The following RORA variants were observed in gnomAD, a reference collection of about 807,000 sequenced individuals.
RORA encodes the protein RAR related orphan receptor A.
In RORA, 7 loss-of-function variants were observed where a neutral mutation model predicts 69.5. The ratio of observed to expected loss-of-function variants is 0.10; its 90% CI spans 0.06 to 0.19. The LOEUF is 0.19. Among genes scored for constraint, RORA ranks in the 10% least tolerant of loss-of-function variants. RORA has a pLI of 1.00. For missense variants in RORA, 457 were observed against 663.0 expected, an observed-to-expected ratio of 0.69 and a Z score of 3.41; for synonymous variants, 261 against 240.8, an observed-to-expected ratio of 1.08 and a Z score of -0.78.
intron 1 of RORA, among the ~76,000 whole-genome samples, chr15:60,963,894 T>A (rs1397714447): frequency 6.6e-6 from 1 of 152,224 alleles, no homozygotes; most frequent in African/African-American, 2.4e-5. Flanking sequence ...CATCAGTGGG[T>A]GGCTTAAAGC....
At chr15:61,140,572 G>A (rs1220437202) in intron 1 of RORA, among the ~76,000 whole-genome samples, 1 of 152,124 alleles carries the variant, frequency 6.6e-6, no homozygotes, top group Non-Finnish European at 1.5e-5. Flanking sequence ...GCAGACAGAA[G>A]TGACGAGGAA....
chr15:61,222,313 G>C (rs1310577947), intron 1 of RORA, among the ~76,000 whole-genome samples: 1 of 152,178 alleles, frequency 6.6e-6, no homozygotes, highest in Non-Finnish European at 1.5e-5. Flanking sequence ...TATGTAATGT[G>C]ATAAGACAGT....
chr15:61,185,756 C>G (rs1377284158), intron 1 of RORA, among the ~76,000 whole-genome samples: 1 of 152,206 alleles, frequency 6.6e-6, no homozygotes, highest in Non-Finnish European at 1.5e-5. Flanking sequence ...ATCTGCACCT[C>G]AGGCCCAGCC....
chr15:60,701,506 G>A (rs1166509183), intron 1 of RORA, among the ~76,000 whole-genome samples: 1 of 152,140 alleles, frequency 6.6e-6, no homozygotes, highest in African/African-American at 2.4e-5. Context: ...CAAAGGATTT[G>A]GAACTCACCG....
intron 1 of RORA, among the ~76,000 whole-genome samples, chr15:60,896,135 G>C (rs1379054421): frequency 6.6e-6 from 1 of 152,212 alleles, no homozygotes; most frequent in Non-Finnish European, 1.5e-5. Flanking sequence ...AGTGTTCAGA[G>C]AAGACCCACT....
At chr15:61,004,767 G>C (rs887454787) in intron 1 of RORA, among the ~76,000 whole-genome samples, 2 of 152,028 alleles carry the variant, frequency 1.3e-5, no homozygotes, top group African/African-American at 4.8e-5. Flanking sequence ...ACGTTGCCAC[G>C]GTTAGATTTT....
chr15:61,092,577 C>T (rs1385990093), intron 1 of RORA, among the ~76,000 whole-genome samples: 1 of 152,190 alleles, frequency 6.6e-6, no homozygotes, highest in Non-Finnish European at 1.5e-5. Flanking sequence ...TGCATTCTTG[C>T]TGCCAAAAGA....
chr15:61,008,340 T>C (rs536759538), intron 1 of RORA, among the ~76,000 whole-genome samples: 34 of 152,068 alleles, frequency 2.2e-4, no homozygotes, highest in African/African-American at 8.0e-4. Context: ...TTATTGGGTT[T>C]AAGGGGGCTA....
At chr15:60,786,147 A>G (rs2072331105) in intron 1 of RORA, among the ~76,000 whole-genome samples, 1 of 152,212 alleles carries the variant, frequency 6.6e-6, no homozygotes, top group African/African-American at 2.4e-5. Context: ...ATGTTTATAC[A>G]TACACGACAT....
At chr15:60,560,966 T>G (rs2067521996) in intron 2 of RORA, among the ~76,000 whole-genome samples, 1 of 151,890 alleles carries the variant, frequency 6.6e-6, no homozygotes, top group Non-Finnish European at 1.5e-5. Context: ...TGTCTGTATA[T>G]ACACATCTGT....
intron 1 of RORA, among the ~76,000 whole-genome samples, chr15:60,931,157 T>G (rs967070818): frequency 6.6e-6 from 1 of 152,008 alleles, no homozygotes; most frequent in East Asian, 1.9e-4. Flanking sequence ...AGAAGGTGAG[T>G]CTGCCTAGAG....
intron 1 of RORA, among the ~76,000 whole-genome samples, chr15:60,760,142 A>T (rs928762597): frequency 2.0e-5 from 3 of 148,874 alleles, no homozygotes; most frequent in East Asian, 2.0e-4. Flanking sequence ...GCTTTAAAAT[A>T]TTTTTTTTTT....
intron 2 of RORA, among the ~76,000 whole-genome samples, chr15:60,589,451 G>A (rs1263131337): frequency 6.6e-6 from 1 of 152,218 alleles, no homozygotes; most frequent in South Asian, 2.1e-4. Flanking sequence ...TACTGAAACT[G>A]ATGAACGTCT....
chr15:61,172,033 T>C (rs1037258485), intron 1 of RORA, among the ~76,000 whole-genome samples: 2 of 152,176 alleles, frequency 1.3e-5, no homozygotes, highest in Admixed American at 6.5e-5. Context: ...TTGATGAAGA[T>C]GTTAAGTCTT....
Position 60,511,125 on chromosome 15 carries a change from T to G in RORA, c.820+101A>C. Reference sequence around the variant, plus strand: ...AAGTGGCCCAAATGGTAAAGGTGAATTGCATCATTTAGCAGAACTCATTAG... The same window carrying G: ...AAGTGGCCCAAATGGTAAAGGTGAAGTGCATCATTTAGCAGAACTCATTAG... On this transcript the variant is annotated intron_variant, in intron 5 of 10. Transcript: ENST00000335670. The surrounding 1 kb of genome is among the most constrained non-coding windows in gnomAD (Gnocchi z 6.4). 7.7e-7 allele frequency: 1 copy of G among 1,297,912 alleles called. No individual in the cohort carries two copies. Among genetic ancestry groups the G allele is most frequent in the Non-Finnish European group, 1.1e-6 (1 of 941,252 alleles). The allele number at this position is 1,297,912 out of a possible 1,614,324, so 80.4% of individuals were successfully genotyped here. A position where few individuals can be genotyped will look rare whatever the true frequency, so the allele number is the denominator to read the frequency against.
chr15:61,210,970 C>T (rs2079985808), intron 1 of RORA, among the ~76,000 whole-genome samples: 1 of 152,206 alleles, frequency 6.6e-6, no homozygotes, highest in African/African-American at 2.4e-5. Flanking sequence ...GCAGTCAAGC[C>T]GGAGAACTCC....
At chr15:60,909,235 T>C (rs1369563078) in intron 1 of RORA, among the ~76,000 whole-genome samples, 1 of 152,044 alleles carries the variant, frequency 6.6e-6, no homozygotes, top group Non-Finnish European at 1.5e-5. Flanking sequence ...CTGCTTGGAG[T>C]TCCATTCCAG....
intron 9 of RORA, among the ~76,000 whole-genome samples, chr15:60,500,567 T>C (rs776706743): frequency 6.6e-6 from 1 of 152,192 alleles, no homozygotes; most frequent in African/African-American, 2.4e-5. Context: ...TCAGATAATC[T>C]AGTGGATGAC....
At chr15:60,822,211 A>G (rs747312954) in intron 1 of RORA, among the ~76,000 whole-genome samples, 7 of 152,170 alleles carry the variant, frequency 4.6e-5, no homozygotes, top group Admixed American at 4.6e-4. Flanking sequence ...ATCGTTTAAA[A>G]GAAGCATAGT....
Sources: allele counts gnomAD v4.1 joint callset (sites outside exome capture counted in the v4.1 genomes callset), GRCh38; gene constraint gnomAD v4.1.1; non-coding constraint Gnocchi (gnomAD v3.1); transcripts MANE v1.5; gene names NCBI Gene and HGNC (gene_info 2026-07-23, HGNC 2026-07-21).